DNAI1: variants seen among roughly 807,000 people sequenced by gnomAD.
The protein encoded by DNAI1 is dynein axonemal intermediate chain 1, also known as dynein, axonemal, intermediate polypeptide 1.
A neutral mutation model predicts 92.0 loss-of-function variants in DNAI1; 67 were observed. The observed-to-expected ratio is 0.73, with a 90% CI of 0.60 to 0.89. The LOEUF is 0.89. DNAI1 is among the 40% of genes least tolerant of loss of function. The pLI is 0.00. For synonymous variants in DNAI1, 323 were observed against 319.6 expected (o/e 1.01, Z -0.11); for missense variants, 839 against 866.6 (o/e 0.97, Z 0.40).
intron 1 of DNAI1, among the ~76,000 whole-genome samples, chr9:34,475,589 C>T (rs777923451): frequency 6.6e-6 from 1 of 152,220 alleles, no homozygotes; most frequent in Non-Finnish European, 1.5e-5. Flanking sequence ...AAGTGCACCA[C>T]ACTATGCACC....
intron 1 of DNAI1, among the ~76,000 whole-genome samples, chr9:34,480,668 G>T (rs776972532): frequency 6.6e-5 from 10 of 152,194 alleles, no homozygotes; most frequent in Non-Finnish European, 1.5e-4. Flanking sequence ...CTTTGGCCGG[G>T]TGCAGTGGCT....
At chr9:34,473,716 G>A (rs544743213) in intron 1 of DNAI1, among the ~76,000 whole-genome samples, 7 of 152,088 alleles carry the variant, frequency 4.6e-5, no homozygotes, top group South Asian at 4.2e-4. Flanking sequence ...TGGTTGGTGC[G>A]TGGGTGGGTT....
intron 1 of DNAI1, among the ~76,000 whole-genome samples, chr9:34,477,408 T>C (rs1304940419): frequency 1.3e-5 from 2 of 152,192 alleles, no homozygotes; most frequent in African/African-American, 2.4e-5. Flanking sequence ...GGAATAATGA[T>C]AGTTCATACT....
At chr9:34,502,953 G>A (rs1325961097) in intron 12 of DNAI1, among the ~76,000 whole-genome samples, 3 of 152,124 alleles carry the variant, frequency 2.0e-5, no homozygotes, top group African/African-American at 4.8e-5. Context: ...TGCTGCAAGC[G>A]GAGGAACCAC....
chr9:34,517,408 G>C lies in DNAI1; in HGVS notation c.1942G>C (p.Asp648His). 1.2e-6 allele frequency: 2 copies of C among 1,614,176 alleles called. No homozygotes were observed. Among genetic ancestry groups the C allele is most frequent in the Non-Finnish European group, 8.5e-7 (1 of 1,180,036 alleles). ...CATCCACCCCATCATCATTGTGGGC[G>C]ATGACCGTGGGCACATCATCAGCCT... ...NLIHPIIIVG[D>H]DRGHIISLKL... The change falls in exon 19 of 20, where the codon GAT becomes CAT. Residue 648 changes from aspartate to histidine, a missense_variant. Transcript: ENST00000242317.
At position 34,511,312 on chromosome 9, in the gene DNAI1, C is replaced by A. The variant is rs548682069; in HGVS notation, c.1312-797C>A. 2.6e-5 allele frequency among the ~76,000 whole-genome samples: 4 copies of A among 152,354 alleles called. No individual in the cohort carries two copies. The South Asian group carries it at 8.3e-4, about 32-fold the overall frequency. The stretch of plus-strand genomic sequence containing the variant: ...AAAACACTTTCCCATATGTTTGCTT[C>A]CAGCCCTGAGAAGATGGGTGGGGCA... On this transcript the variant is annotated intron_variant, in intron 13 of 19. Transcript: ENST00000242317.
chr9:34,497,324 T>A (rs1453014937), intron 10 of DNAI1, 125 bp downstream of exon 10: 1 of 754,566 alleles, frequency 1.3e-6, no homozygotes, highest in Non-Finnish European at 2.4e-6. Context: ...ATAATCCCTC[T>A]GTCCTCTGGA....
chr9:34,512,653 T>A (rs185655360), intron 15 of DNAI1, among the ~76,000 whole-genome samples: 80 of 152,244 alleles, frequency 5.3e-4, no homozygotes, highest in Non-Finnish European at 1.1e-3. Flanking sequence ...TGTTCCTGTT[T>A]ATGCAGATCA....
At chr9:34,491,693 T>C (rs1824599258) in intron 8 of DNAI1, 139 bp downstream of exon 8, 1 of 902,896 alleles carries the variant, frequency 1.1e-6, no homozygotes, top group Non-Finnish European at 1.8e-6. Context: ...CTGCTCACTG[T>C]CCTGAGCATC....
At chr9:34,509,490 C>T (rs1825021528) in intron 13 of DNAI1, among the ~76,000 whole-genome samples, 1 of 152,100 alleles carries the variant, frequency 6.6e-6, no homozygotes, top group Non-Finnish European at 1.5e-5. Context: ...GAGTGGTGCT[C>T]TGTTAGGACC....
chr9:34,501,497 G>A (rs1051846685), intron 12 of DNAI1, among the ~76,000 whole-genome samples: 2 of 152,236 alleles, frequency 1.3e-5, no homozygotes, highest in Non-Finnish European at 2.9e-5. Context: ...AGCTGCTGGG[G>A]GGGCCAGGGT....
rs1301833925 is a variant in DNAI1 at position 34,485,460 on chromosome 9, G to A, written c.204G>A (p.Arg68=). ...AGGAGTTAAAGGAGGAGTTCACTCG[G>A]ATTTTGACAGCCAACAACCCACACG... The part of the protein sequence containing the change: ...TDAELKEEFT[R]ILTANNPHAP... The change falls in exon 4 of 20, where the codon CGG becomes CGA. Residue 68 remains arginine, a synonymous_variant. Coordinates refer to ENST00000242317, the MANE Select transcript of DNAI1 (RefSeq NM_012144.4). 2 of 1,614,118 alleles carry A rather than the reference G, an allele frequency of 1.2e-6. No individual in the cohort carries two copies. The highest frequency in any genetic ancestry group is 1.7e-6 in the Non-Finnish European group (2 of 1,180,040).
At chr9:34,506,241 C>T (rs1471387103) in intron 12 of DNAI1, among the ~76,000 whole-genome samples, 1 of 152,248 alleles carries the variant, frequency 6.6e-6, no homozygotes, top group African/African-American at 2.4e-5. Context: ...GGGCATTATC[C>T]AGGCATCTAT....
At position 34,493,214 on chromosome 9, in the gene DNAI1, T is replaced by C. The variant is rs914390053; in HGVS notation, c.702T>C (p.Tyr234=). The C allele has an allele frequency of 1.2e-6, 2 of 1,614,030 alleles. No individual in the cohort carries two copies. Among genetic ancestry groups the C allele is most frequent in the Admixed American group, 1.7e-5 (1 of 60,000 alleles). Residue 234 remains tyrosine (Y), a synonymous_variant, in exon 9 of 20, where the codon TAT becomes TAC. Coordinates refer to ENST00000242317, the MANE Select transcript of DNAI1 (RefSeq NM_012144.4). Reference sequence around the variant, plus strand: ...CCTAGTGGGAGATCTATGATGCCTATGTAGAGGAACTTGAGAAGCAGGAAA... The same window carrying C: ...CCTAGTGGGAGATCTATGATGCCTACGTAGAGGAACTTGAGAAGCAGGAAA... ...TANQWEIYDA[Y]VEELEKQEKT... is the part of the protein sequence containing the mutation.
intron 9 of DNAI1, among the ~76,000 whole-genome samples, chr9:34,495,639 T>C (rs890491799): frequency 6.6e-5 from 10 of 152,164 alleles, no homozygotes; most frequent in African/African-American, 2.4e-4. Flanking sequence ...CTTGAGGGCA[T>C]GTGGCTGTGT....
intron 8 of DNAI1, 67 bp downstream of exon 8, chr9:34,491,621 G>A: frequency 6.4e-7 from 1 of 1,571,306 alleles, no homozygotes; most frequent in African/African-American, 1.3e-5. Flanking sequence ...TCATTTAGCA[G>A]CAAAGGCAAC....
At chr9:34,501,889 C>T (rs559192413) in intron 12 of DNAI1, among the ~76,000 whole-genome samples, 1 of 152,326 alleles carries the variant, frequency 6.6e-6, no homozygotes, top group South Asian at 2.1e-4. Flanking sequence ...AAACTGTGTC[C>T]AGGCGATTTG....
intron 1 of DNAI1, among the ~76,000 whole-genome samples, chr9:34,460,989 T>C (rs1035495327): frequency 6.6e-6 from 1 of 152,118 alleles, no homozygotes; most frequent in African/African-American, 2.4e-5. Flanking sequence ...TATAGGCGCC[T>C]GCCACCACGC....
At chr9:34,468,393 G>T (rs1824078419) in intron 1 of DNAI1, among the ~76,000 whole-genome samples, 1 of 149,034 alleles carries the variant, frequency 6.7e-6, no homozygotes, top group African/African-American at 2.5e-5. Flanking sequence ...GTTTCACCAT[G>T]TTAGCCAGGA....
Sources: allele counts gnomAD v4.1 joint callset (sites outside exome capture counted in the v4.1 genomes callset), GRCh38; gene constraint gnomAD v4.1.1; transcripts MANE v1.5; gene names NCBI Gene and HGNC (gene_info 2026-07-23, HGNC 2026-07-21).